The following COL19A1 variants were observed in gnomAD, a reference collection of about 807,000 sequenced individuals.
COL19A1 encodes the protein collagen alpha-1(XIX) chain.
COL19A1 carries 159 observed loss-of-function variants against 190.2 expected under a neutral mutation model. That is an observed-to-expected ratio of 0.84 (90% CI 0.73 to 0.95). The LOEUF (loss-of-function observed/expected upper bound fraction) is 0.95. COL19A1 is among the 40% of genes least tolerant of loss of function. COL19A1 has a pLI of 0.00. For synonymous variants in COL19A1, 509 were observed against 458.9 expected, an observed-to-expected ratio of 1.11 and a Z score of -1.39; for missense variants, 1,418 against 1,431.9, an observed-to-expected ratio of 0.99 and a Z score of 0.16.
At chr6:70,073,759 A>G (rs1223463306) in intron 15 of COL19A1, among the ~76,000 whole-genome samples, 2 of 152,166 alleles carry the variant, frequency 1.3e-5, no homozygotes, top group African/African-American at 4.8e-5. Context: ...CCTTAAAGAA[A>G]GATATGAAGA....
intron 15 of COL19A1, among the ~76,000 whole-genome samples, chr6:70,072,157 T>C (rs532928869): frequency 2.6e-5 from 4 of 152,212 alleles, no homozygotes; most frequent in South Asian, 2.1e-4. Flanking sequence ...ATGAGAAACA[T>C]TGCAAAAGAA....
chr6:70,200,034 T>A (rs1229872473), intron 49 of COL19A1: 1 of 205,090 alleles, frequency 4.9e-6, no homozygotes, highest in African/African-American at 2.4e-5. Flanking sequence ...AATGTGTGCT[T>A]ATATATCATT....
intron 12 of COL19A1, 97 bp from the exon 13 acceptor site, chr6:70,034,148 T>A (rs1240262298): frequency 1.2e-6 from 1 of 840,558 alleles, no homozygotes; most frequent in African/African-American, 1.7e-5. Context: ...AGAATGAGAT[T>A]TGGAGGTTCA....
intron 49 of COL19A1, among the ~76,000 whole-genome samples, chr6:70,200,281 T>C (rs191513718): frequency 6.6e-6 from 1 of 152,346 alleles, no homozygotes; most frequent in East Asian, 1.9e-4. Context: ...CTAAAGTTCT[T>C]AAAACCCAAC....
At chr6:70,002,825 A>G (rs1211996228) in intron 11 of COL19A1, among the ~76,000 whole-genome samples, 2 of 149,644 alleles carry the variant, frequency 1.3e-5, no homozygotes, top group African/African-American at 4.9e-5. Context: ...TTTTTCCTCA[A>G]AAAAGCAGCA....
At chr6:70,028,072 A>T (rs946557874) in intron 12 of COL19A1, among the ~76,000 whole-genome samples, 1 of 152,174 alleles carries the variant, frequency 6.6e-6, no homozygotes, top group African/African-American at 2.4e-5. Context: ...AGGGGAAAAG[A>T]TAATTTTCCC....
chr6:70,091,761 A>AC, intron 15 of COL19A1, among the ~76,000 whole-genome samples: 2 of 142,792 alleles, frequency 1.4e-5, no homozygotes, highest in South Asian at 4.7e-4. Context: ...CTGGCGACTG[A>AC]CCAACAATTG....
chr6:70,182,174 G>A (rs1189364926), intron 44 of COL19A1, among the ~76,000 whole-genome samples: 1 of 152,184 alleles, frequency 6.6e-6, no homozygotes, highest in Non-Finnish European at 1.5e-5. Flanking sequence ...AGTAATGACA[G>A]TGGAAACAGC....
At chr6:70,137,839 G>A (rs1785967076) in intron 19 of COL19A1, 92 bp downstream of exon 19, 2 of 1,200,722 alleles carry the variant, frequency 1.7e-6, no homozygotes, top group East Asian at 4.7e-5. Context: ...CACGTGCCTT[G>A]GTTGATCCTG....
intron 14 of COL19A1, among the ~76,000 whole-genome samples, chr6:70,056,326 T>C (rs1303482289): frequency 6.6e-6 from 1 of 152,200 alleles, no homozygotes; most frequent in African/African-American, 2.4e-5. Flanking sequence ...AAGATTTTTC[T>C]TGAGTGTCTT....
intron 30 of COL19A1, among the ~76,000 whole-genome samples, chr6:70,150,523 G>A (rs547821363): frequency 1.3e-5 from 2 of 152,224 alleles, no homozygotes; most frequent in Admixed American, 1.3e-4. Flanking sequence ...AGGCACAAAT[G>A]TGTGTTTCAA....
intron 10 of COL19A1, among the ~76,000 whole-genome samples, chr6:69,960,651 A>G: frequency 8.4e-6 from 1 of 118,446 alleles, no homozygotes; most frequent in Admixed American, 1.1e-4. Flanking sequence ...TTTTTTTGAG[A>G]CGGAGTCTCG....
chr6:69,934,395 A>C (rs1463641319), intron 7 of COL19A1, among the ~76,000 whole-genome samples: 1 of 151,988 alleles, frequency 6.6e-6, no homozygotes, highest in East Asian at 1.9e-4. Flanking sequence ...TTTTGATGTC[A>C]GAGTTTTTAA....
At chr6:70,152,259 C>A (rs1359510947) in intron 31 of COL19A1, among the ~76,000 whole-genome samples, 1 of 151,982 alleles carries the variant, frequency 6.6e-6, no homozygotes, top group Non-Finnish European at 1.5e-5. Flanking sequence ...CACACACAGA[C>A]TACAGTTATA....
chr6:69,947,453 A>G (rs2150031285), intron 9 of COL19A1, among the ~76,000 whole-genome samples: 1 of 152,026 alleles, frequency 6.6e-6, no homozygotes, highest in South Asian at 2.1e-4. Flanking sequence ...GTATTTGTAT[A>G]TTAAACTGCA....
chr6:69,930,544 C>T (rs755567205), intron 6 of COL19A1, among the ~76,000 whole-genome samples: 4 of 152,144 alleles, frequency 2.6e-5, no homozygotes, highest in South Asian at 2.1e-4. Flanking sequence ...CCGGGCTAGG[C>T]GCAGTGGCTC....
At chr6:70,180,683 T>C (rs955110041) in intron 44 of COL19A1, among the ~76,000 whole-genome samples, 160 bp downstream of exon 44, 3 of 152,184 alleles carry the variant, frequency 2.0e-5, no homozygotes, top group Admixed American at 1.3e-4. Context: ...GGAGTTCTTA[T>C]TGAGTTCCCT....
intron 34 of COL19A1, among the ~76,000 whole-genome samples, chr6:70,158,488 G>A (rs1787577937): frequency 6.6e-6 from 1 of 152,046 alleles, no homozygotes; most frequent in African/African-American, 2.4e-5. Flanking sequence ...TGGAAAATGA[G>A]AGAGAGGAGT....
At chr6:69,963,132 TTA>T (rs1270789526) in intron 11 of COL19A1, among the ~76,000 whole-genome samples, 1 of 152,228 alleles carries the variant, frequency 6.6e-6, no homozygotes, top group East Asian at 1.9e-4. Context: ...ATTTAAACAT[TTA>T]TAAAGCATTA....
Sources: gnomAD v4.1 joint callset for allele counts (sites outside exome capture counted in the v4.1 genomes callset) on GRCh38, gnomAD v4.1.1 for gene constraint, MANE v1.5 for transcripts, NCBI Gene and HGNC (gene_info 2026-07-23, HGNC 2026-07-21) for gene names.